The following RXRA variants were observed in gnomAD, a reference collection of about 807,000 sequenced individuals.
RXRA encodes the protein retinoid X receptor alpha, also known as retinoic acid receptor RXR-alpha.
A neutral mutation model predicts 44.5 loss-of-function variants in RXRA; 5 were observed. The ratio of observed to expected loss-of-function variants is 0.11; its 90% CI spans 0.06 to 0.24. The LOEUF is 0.24. Among genes scored for constraint, RXRA ranks in the 10% least tolerant of loss-of-function variants. RXRA has a pLI of 1.00. For missense variants in RXRA, 412 were observed against 646.5 expected, an observed-to-expected ratio of 0.64 and a Z score of 3.93; for synonymous variants, 291 against 271.4, an observed-to-expected ratio of 1.07 and a Z score of -0.71.
intron 1 of RXRA, among the ~76,000 whole-genome samples, chr9:134,332,030 G>T (rs1434316546): frequency 2.0e-5 from 3 of 152,224 alleles, no homozygotes; most frequent in Non-Finnish European, 4.4e-5. Context: ...CCAGCTCTGT[G>T]CCCTGGGACT....
At chr9:134,387,843 G>A (rs751833147) in intron 1 of RXRA, among the ~76,000 whole-genome samples, 53 of 152,196 alleles carry the variant, frequency 3.5e-4, no homozygotes, top group Non-Finnish European at 6.0e-4. Context: ...CCTCGCTTGG[G>A]CTGTCTGGAG....
Position 134,374,674 on chromosome 9 carries a change from C to A in RXRA, c.29-26958C>A, listed in dbSNP as rs557686111. ...CCAGCGGCTGCCTGGGGAGGCACAGCAAGTGGGTGGTAAAATTTAGACCTT... is the reference window on the plus strand; with the variant it reads ...CCAGCGGCTGCCTGGGGAGGCACAGAAAGTGGGTGGTAAAATTTAGACCTT... On this transcript the variant is annotated intron_variant, in intron 1 of 9. Coordinates refer to ENST00000481739, the MANE Select transcript of RXRA (RefSeq NM_002957.6). Among the ~76,000 whole-genome samples the A allele has an allele frequency of 2.6e-5, 4 of 152,354 alleles. No individual in the cohort carries two copies. The South Asian group carries it at 8.3e-4, about 32-fold the overall frequency.
At chr9:134,415,870 C>T (rs919141309) in intron 4 of RXRA, among the ~76,000 whole-genome samples, 4 of 152,216 alleles carry the variant, frequency 2.6e-5, no homozygotes, top group African/African-American at 9.7e-5. Flanking sequence ...CCGCAGGACC[C>T]CATGGTCGCT....
At chr9:134,390,419 G>C (rs1388921260) in intron 1 of RXRA, among the ~76,000 whole-genome samples, 1 of 152,248 alleles carries the variant, frequency 6.6e-6, no homozygotes, top group African/African-American at 2.4e-5. Context: ...CCCAGTCTGG[G>C]ACAGTGGGTG....
At chr9:134,332,974 G>T (rs377671798) in intron 1 of RXRA, among the ~76,000 whole-genome samples, 110 of 152,248 alleles carry the variant, frequency 7.2e-4, no homozygotes, top group African/African-American at 2.6e-3. Context: ...CGTCTTTCCC[G>T]GGCACGGGTA....
At position 134,437,282 on chromosome 9, in the gene RXRA, G is replaced by A. The variant is rs1831638926; in HGVS notation, c.*668G>A. 6.5e-6 allele frequency: 1 copy of A among 153,292 alleles called. No homozygotes were observed. Among genetic ancestry groups the A allele is most frequent in the South Asian group, 2.1e-4 (1 of 4,864 alleles). 9.5% of individuals were successfully genotyped at this position (153,292 alleles called of 1,614,324 possible). A position where few individuals can be genotyped will look rare whatever the true frequency, so the allele number is the denominator to read the frequency against. On this transcript the variant is annotated 3_prime_UTR_variant, in exon 10 of 10. Coordinates refer to ENST00000481739, the MANE Select transcript of RXRA (RefSeq NM_002957.6). ...TGCCCTCGAGCCAATGAGAACATGA[G>A]CTGCCCTCTGTGCAAGGTTTCGGGG...
In RXRA at chr9:134,434,158, G is replaced by C; in HGVS notation, c.1192G>C (p.Ala398Pro). ...GGAGGCGCTGAGGGAGAAGGTCTAT[G>C]CGTCCTTGGAGGCCTACTGCAAGCA... ...EVEALREKVY[A>P]SLEAYCKHKY... is the part of the protein sequence containing the mutation. The change falls in exon 9 of 10, where the codon GCG becomes CCG. Residue 398 changes from alanine (A) to proline (P), a missense_variant. By Grantham distance (27) the Ala-to-Pro change is conservative. Coordinates refer to ENST00000481739, the MANE Select transcript of RXRA (RefSeq NM_002957.6). 6.2e-7 allele frequency: 1 copy of C among 1,613,842 alleles called. No individual in the cohort carries two copies. The highest frequency in any genetic ancestry group is 8.5e-7 in the Non-Finnish European group (1 of 1,179,906).
intron 1 of RXRA, chr9:134,372,060 G>T (rs952014485): frequency 1.4e-4 from 21 of 152,338 alleles, no homozygotes; most frequent in African/African-American, 4.8e-4. Context: ...CACCTCGAGG[G>T]AGTGACGTCA....
intron 1 of RXRA, among the ~76,000 whole-genome samples, chr9:134,368,915 G>GTGTGTGGGGT (rs1830450568): frequency 7.2e-6 from 1 of 138,770 alleles, no homozygotes; most frequent in African/African-American, 2.7e-5. Context: ...TGGGGGTTGT[G>GTGTGTGGGGT]TGTGTGTGTG....
At chr9:134,411,911 C>T (rs1831155149) in intron 4 of RXRA, among the ~76,000 whole-genome samples, 2 of 152,142 alleles carry the variant, frequency 1.3e-5, no homozygotes, top group Non-Finnish European at 2.9e-5. Context: ...TACTCTTGGG[C>T]AGTAACGGGG....
chr9:134,378,934 T>TCA (rs1830598377), intron 1 of RXRA, among the ~76,000 whole-genome samples: 1 of 152,230 alleles, frequency 6.6e-6, no homozygotes, highest in Non-Finnish European at 1.5e-5. Context: ...CTTCATCCTG[T>TCA]GCCCGGAAGA....
In RXRA at chr9:134,387,977, A is replaced by G. The variant is rs557475622; in HGVS notation, c.29-13655A>G. 1.5e-3 allele frequency among the ~76,000 whole-genome samples: 232 copies of G among 152,104 alleles called. 2 individuals carry two copies. The highest frequency in any genetic ancestry group is 2.7e-3 in the Non-Finnish European group (181 of 67,996). On this transcript the variant is annotated intron_variant, in intron 1 of 9. Coordinates refer to ENST00000481739, the MANE Select transcript of RXRA (RefSeq NM_002957.6). ...GTGACATTGGGGGGTTTGAATTCAG[A>G]TCCCTTCGGCAGCTCTTCCTGGAGG...
rs765224439 is a variant in RXRA, at chr9:134,408,929, C to T, written c.431-11C>T. ...GGGTGCTCCCCAGCCCTGCTCTGCC[C>T]TGTCCCGCAGGCAAGCACTATGGAG... On this transcript the variant is annotated splice_polypyrimidine_tract_variant and intron_variant, in intron 3 of 9. Coordinates refer to ENST00000481739, the MANE Select transcript of RXRA (RefSeq NM_002957.6). 1.4e-5 allele frequency: 21 copies of T among 1,526,552 alleles called. No homozygotes were observed. Among genetic ancestry groups the T allele is most frequent in the Non-Finnish European group, 1.8e-5 (20 of 1,133,268 alleles). The allele number at this position is 1,526,552 out of a possible 1,614,324, so 94.6% of individuals were successfully genotyped here. A position where few individuals can be genotyped will look rare whatever the true frequency, so the allele number is the denominator to read the frequency against.
chr9:134,357,427 C>A (rs1173898495), intron 1 of RXRA, among the ~76,000 whole-genome samples: 1 of 152,198 alleles, frequency 6.6e-6, no homozygotes, highest in East Asian at 1.9e-4. Context: ...CGCGTGAAGT[C>A]AGGCGCTTTG....
intron 9 of RXRA, 69 bp downstream of exon 9, chr9:134,434,276 A>C: frequency 2.6e-6 from 3 of 1,169,678 alleles, no homozygotes; most frequent in Non-Finnish European, 2.5e-6. Flanking sequence ...CACCCCCTGC[A>C]AGGCCATTTT....
intron 1 of RXRA, among the ~76,000 whole-genome samples, chr9:134,329,400 G>A (rs1554746404): frequency 1.3e-5 from 2 of 152,236 alleles, no homozygotes; most frequent in African/African-American, 4.8e-5. Context: ...AAACTCTGGA[G>A]GGGCCCTGTT....
intron 6 of RXRA, chr9:134,422,396 C>T (rs111997113): frequency 4.6e-5 from 59 of 1,278,122 alleles, no homozygotes; most frequent in Admixed American, 1.6e-4. Flanking sequence ...CGGGACACTC[C>T]CCCGTCCCGT....
intron 1 of RXRA, among the ~76,000 whole-genome samples, chr9:134,372,561 C>T (rs546326683): frequency 6.6e-6 from 1 of 150,816 alleles, no homozygotes; most frequent in Non-Finnish European, 1.5e-5. Context: ...CCCGTCACCT[C>T]AGAGGGCATC....
intron 1 of RXRA, among the ~76,000 whole-genome samples, chr9:134,370,851 A>T (rs1172090365): frequency 6.6e-6 from 1 of 152,200 alleles, no homozygotes; most frequent in Non-Finnish European, 1.5e-5. Context: ...TCCAGGAGAG[A>T]ACGCTGCCAA....
Sources: allele counts gnomAD v4.1 joint callset (sites outside exome capture counted in the v4.1 genomes callset), GRCh38; gene constraint gnomAD v4.1.1; transcripts MANE v1.5; gene names NCBI Gene and HGNC (gene_info 2026-07-23, HGNC 2026-07-21).